TNR: variants seen among roughly 807,000 people sequenced by gnomAD.
TNR encodes the protein tenascin-R.
Under a neutral mutation model 150.4 loss-of-function variants are expected in TNR, and 45 were observed. The observed-to-expected ratio is 0.30, with a 90% confidence interval of 0.24 to 0.38. The LOEUF (loss-of-function observed/expected upper bound fraction) is 0.38, where lower values mean the gene tolerates loss of function less well. Ranked by LOEUF, TNR falls within the 10% of genes least tolerant of loss-of-function variation. The pLI, the probability that TNR is intolerant of heterozygous loss-of-function variation, is 1.00. For missense variants in TNR, 1,544 were observed against 1,759.1 expected (o/e 0.88, Z 2.19); for synonymous variants, 687 against 678.4 (o/e 1.01, Z -0.20).
intron 2 of TNR, among the ~76,000 whole-genome samples, chr1:175,450,973 G>C (rs77874714): frequency 5.9e-5 from 9 of 152,236 alleles, no homozygotes; most frequent in African/African-American, 1.9e-4. Flanking sequence ...CTTGAAGTTT[G>C]GATTATACAA....
chr1:175,468,438 G>A (rs1337261965), intron 2 of TNR, among the ~76,000 whole-genome samples: 3 of 152,128 alleles, frequency 2.0e-5, no homozygotes. Context: ...AACAAAATAT[G>A]TTCACTTAAT....
intron 12 of TNR, among the ~76,000 whole-genome samples, chr1:175,364,299 C>T (rs994797995): frequency 4.0e-5 from 6 of 150,382 alleles, no homozygotes; most frequent in Non-Finnish European, 8.9e-5. Context: ...ATCCATTTTC[C>T]TAAATTGTAT....
intron 9 of TNR, 84 bp from the exon 10 acceptor site, chr1:175,367,381 A>G (rs1263329591): frequency 1.8e-6 from 2 of 1,103,104 alleles, no homozygotes; most frequent in Non-Finnish European, 2.8e-6. Context: ...ATGATCTTAG[A>G]CTCCTATTCA....
At chr1:175,596,061 T>C (rs1023301673) in intron 1 of TNR, among the ~76,000 whole-genome samples, 4 of 152,214 alleles carry the variant, frequency 2.6e-5, no homozygotes, top group Non-Finnish European at 5.9e-5. Context: ...AAGCCCATTC[T>C]AGTTTCATTG....
intron 5 of TNR, among the ~76,000 whole-genome samples, chr1:175,394,798 T>C (rs911642889): frequency 1.3e-5 from 2 of 152,176 alleles, no homozygotes; most frequent in African/African-American, 4.8e-5. Context: ...TTGTGTCAGG[T>C]GGTTTACATG....
At chr1:175,376,179 T>C (rs766853363) in intron 9 of TNR, among the ~76,000 whole-genome samples, 1 of 152,042 alleles carries the variant, frequency 6.6e-6, no homozygotes, top group Non-Finnish European at 1.5e-5. Flanking sequence ...CACCACGCTG[T>C]GAGAGGCAAG....
chr1:175,565,929 A>C (rs76394334), intron 1 of TNR, among the ~76,000 whole-genome samples: 8,701 of 152,236 alleles, frequency 0.057, 836 homozygotes, highest in African/African-American at 0.2. Flanking sequence ...CTGGACTCAG[A>C]CCTGGCCCTC....
intron 1 of TNR, among the ~76,000 whole-genome samples, chr1:175,707,682 G>A (rs2101932376): frequency 6.6e-6 from 1 of 152,216 alleles, no homozygotes; most frequent in African/African-American, 2.4e-5. Context: ...AACCCAACTT[G>A]TTCAAAGTAA....
chr1:175,555,012 G>T (rs1356226726), intron 1 of TNR, among the ~76,000 whole-genome samples: 1 of 152,146 alleles, frequency 6.6e-6, no homozygotes, highest in Non-Finnish European at 1.5e-5. Flanking sequence ...TATCCTCCAT[G>T]TGATGATTTA....
chr1:175,400,181 T>A (rs1307244568), intron 4 of TNR, among the ~76,000 whole-genome samples: 1 of 151,278 alleles, frequency 6.6e-6, no homozygotes, highest in Non-Finnish European at 1.5e-5. Flanking sequence ...CTCATTTTTT[T>A]AATCATGTGA....
chr1:175,453,101 G>T (rs1206584322), intron 2 of TNR, among the ~76,000 whole-genome samples: 1 of 152,020 alleles, frequency 6.6e-6, no homozygotes, highest in African/African-American at 2.4e-5. Flanking sequence ...TTGTTAAAAT[G>T]GTATCTATTT....
intron 1 of TNR, among the ~76,000 whole-genome samples, chr1:175,667,073 C>T (rs1220616798): frequency 6.6e-6 from 1 of 152,166 alleles, no homozygotes; most frequent in Non-Finnish European, 1.5e-5. Context: ...TTTAATCATA[C>T]TGTTCCTTCT....
chr1:175,686,229 A>G (rs754430121), intron 1 of TNR, among the ~76,000 whole-genome samples: 38 of 152,214 alleles, frequency 2.5e-4, no homozygotes, highest in Admixed American at 3.3e-4. Flanking sequence ...TGGCTAGTTA[A>G]TTCCCCCAAG....
Position 175,643,273 on chromosome 1 carries a change from CT to C in TNR, c.-165+99952del, listed in dbSNP as rs1376689846. Among the ~76,000 whole-genome samples, 7 of 152,166 alleles carry C rather than the reference CT, an allele frequency of 4.6e-5. No individual in the cohort carries two copies. In the East Asian group the frequency reaches 1.3e-3, roughly 29 times the overall value. On this transcript the variant is annotated intron_variant, in intron 1 of 22. Transcript: ENST00000367674. ...CATGCTCCTCTCAGTTGTAAGAGGACTTATGTGACATCTTATCAGCCTCTGA... is the reference window on the plus strand; with the variant it reads ...CATGCTCCTCTCAGTTGTAAGAGGACTATGTGACATCTTATCAGCCTCTGA...
intron 18 of TNR, among the ~76,000 whole-genome samples, chr1:175,346,243 C>T (rs1650776917): frequency 6.6e-6 from 1 of 152,160 alleles, no homozygotes; most frequent in South Asian, 2.1e-4. Context: ...CTTGGAAAAA[C>T]TTTATTTATA....
At chr1:175,331,078 C>CTTTCTTTCTTTCTTTCT (rs57439733) in intron 20 of TNR, among the ~76,000 whole-genome samples, 1 of 59,914 alleles carries the variant, frequency 1.7e-5, no homozygotes, top group Admixed American at 1.7e-4. Context: ...TCTTTCTTTC[C>CTTTCTTTCTTTCTTTCT]TTCTTTCTTT....
chr1:175,659,518 A>G (rs1320147355), intron 1 of TNR, among the ~76,000 whole-genome samples: 1 of 152,120 alleles, frequency 6.6e-6, no homozygotes, highest in East Asian at 1.9e-4. Flanking sequence ...GGTGCACCAA[A>G]CACCTCCCTT....
chr1:175,556,272 C>T (rs1317212406), intron 1 of TNR, among the ~76,000 whole-genome samples: 2 of 152,204 alleles, frequency 1.3e-5, no homozygotes, highest in East Asian at 1.9e-4. Flanking sequence ...GCTCAACACA[C>T]CCACATCAGT....
rs138937357 is a variant in TNR, at chr1:175,687,674, C to T, written c.-165+55552G>A. ...TCTCCCATGTGCCTTCTTTTCTTTT[C>T]GAAAGACAATAATGGGGACTGAATT... On this transcript the variant is annotated intron_variant, in intron 1 of 22. Coordinates refer to ENST00000367674, the MANE Select transcript of TNR (RefSeq NM_003285.3). 7.5e-3 allele frequency among the ~76,000 whole-genome samples: 1,134 copies of T among 152,072 alleles called. 15 individuals carry two copies. The highest frequency in any genetic ancestry group is 0.026 in the African/African-American group (1,080 of 41,462).
Sources: allele counts gnomAD v4.1 joint callset (sites outside exome capture counted in the v4.1 genomes callset), GRCh38; gene constraint gnomAD v4.1.1; transcripts MANE v1.5; gene names NCBI Gene and HGNC (gene_info 2026-07-23, HGNC 2026-07-21).